RNF13: variants seen among roughly 807,000 people sequenced by gnomAD.
The protein encoded by RNF13 is E3 ubiquitin-protein ligase RNF13.
RNF13 carries 19 observed loss-of-function variants against 37.7 expected under a neutral mutation model. That is an observed-to-expected ratio of 0.50 (90% CI 0.35 to 0.74). The LOEUF (loss-of-function observed/expected upper bound fraction) is 0.74, where lower values mean the gene tolerates loss of function less well. Ranked by LOEUF, RNF13 falls within the 30% of genes least tolerant of loss-of-function variation. The pLI, the probability that RNF13 is intolerant of heterozygous loss-of-function variation, is 0.01. For missense variants in RNF13, 375 were observed against 453.0 expected (o/e 0.83, Z 1.56); for synonymous variants, 144 against 157.8 (o/e 0.91, Z 0.65).
At chr3:149,863,255 C>T (rs1724459977) in intron 3 of RNF13, among the ~76,000 whole-genome samples, 1 of 152,146 alleles carries the variant, frequency 6.6e-6, no homozygotes, top group South Asian at 2.1e-4. Flanking sequence ...TGACAAATTG[C>T]AAATGGCAAG....
intron 8 of RNF13, among the ~76,000 whole-genome samples, chr3:149,954,375 G>T (rs947797108): frequency 1.1e-4 from 16 of 151,870 alleles, no homozygotes; most frequent in African/African-American, 3.9e-4. Context: ...AATGTTAGGG[G>T]ACTCTATAAC....
intron 9 of RNF13, 144 bp downstream of exon 9, chr3:149,960,280 G>C (rs1008996693): frequency 5.0e-6 from 3 of 602,782 alleles, no homozygotes; most frequent in South Asian, 2.2e-5. Flanking sequence ...CAAGGATGGA[G>C]GTGTATTTAT....
At chr3:149,910,126 A>G (rs1716837982) in intron 6 of RNF13, among the ~76,000 whole-genome samples, 1 of 152,114 alleles carries the variant, frequency 6.6e-6, no homozygotes, top group Non-Finnish European at 1.5e-5. Flanking sequence ...CGTCTCATGG[A>G]AAGGCTCTTA....
At chr3:149,854,913 T>C (rs1165349473) in intron 3 of RNF13, among the ~76,000 whole-genome samples, 1 of 152,158 alleles carries the variant, frequency 6.6e-6, no homozygotes, top group Non-Finnish European at 1.5e-5. Context: ...AAATACAATG[T>C]AGGGTTTTTG....
intron 2 of RNF13, among the ~76,000 whole-genome samples, chr3:149,849,784 T>C (rs1419869480): frequency 6.6e-6 from 1 of 152,344 alleles, no homozygotes; most frequent in East Asian, 1.9e-4. Context: ...GTGCTTAGCA[T>C]GATGTCTGTA....
At chr3:149,957,458 T>G (rs41448248) in intron 8 of RNF13, among the ~76,000 whole-genome samples, 1,525 of 152,258 alleles carry the variant, frequency 0.01, 31 homozygotes, top group African/African-American at 0.035. Context: ...CCAGAAGTCT[T>G]TTACACTCAC....
intron 7 of RNF13, among the ~76,000 whole-genome samples, chr3:149,920,590 G>C (rs898141417): frequency 2.0e-5 from 3 of 151,932 alleles, no homozygotes; most frequent in Admixed American, 6.6e-5. Context: ...TTTGGTTTTT[G>C]GCCCTGTGTA....
intron 8 of RNF13, among the ~76,000 whole-genome samples, chr3:149,951,447 G>T (rs1171513908): frequency 6.6e-6 from 1 of 152,190 alleles, no homozygotes; most frequent in African/African-American, 2.4e-5. Flanking sequence ...CAGAGATAAA[G>T]ATCCTAAGGT....
chr3:149,888,551 C>G (rs1714302581), intron 4 of RNF13, among the ~76,000 whole-genome samples: 1 of 152,198 alleles, frequency 6.6e-6, no homozygotes, highest in Admixed American at 6.5e-5. Flanking sequence ...TTACAAATTA[C>G]TCTTCGTGCA....
intron 6 of RNF13, among the ~76,000 whole-genome samples, chr3:149,910,224 G>A (rs1366194137): frequency 6.6e-6 from 1 of 152,158 alleles, no homozygotes; most frequent in East Asian, 1.9e-4. Context: ...GGCTGGCCTC[G>A]TGCTGGAAGA....
chr3:149,937,428 C>A (rs1351701236), intron 8 of RNF13, among the ~76,000 whole-genome samples: 1 of 152,112 alleles, frequency 6.6e-6, no homozygotes, highest in African/African-American at 2.4e-5. Context: ...TCCATTCTCT[C>A]TTAATTTTTC....
intron 1 of RNF13, among the ~76,000 whole-genome samples, chr3:149,844,869 G>A (rs952314879): frequency 6.6e-6 from 1 of 152,104 alleles, no homozygotes; most frequent in African/African-American, 2.4e-5. Context: ...CATCACCAGA[G>A]TCTAATTTTA....
chr3:149,850,310 G>A (rs1445750334), intron 2 of RNF13, among the ~76,000 whole-genome samples: 1 of 152,108 alleles, frequency 6.6e-6, no homozygotes, highest in Non-Finnish European at 1.5e-5. Context: ...CAGTGAACAT[G>A]CTTTAATTTT....
At chr3:149,925,729 G>T (rs1288632905) in intron 8 of RNF13, among the ~76,000 whole-genome samples, 3 of 151,922 alleles carry the variant, frequency 2.0e-5, no homozygotes, top group African/African-American at 7.3e-5. Flanking sequence ...TATATACCTA[G>T]AAGTAGATTA....
chr3:149,877,065 C>G (rs1239948916), intron 4 of RNF13, among the ~76,000 whole-genome samples: 1 of 152,100 alleles, frequency 6.6e-6, no homozygotes, highest in Non-Finnish European at 1.5e-5. Context: ...CAGGCGTGAG[C>G]CACCACACCC....
At chr3:149,840,595 A>G (rs1016513953) in intron 1 of RNF13, among the ~76,000 whole-genome samples, 5 of 152,182 alleles carry the variant, frequency 3.3e-5, no homozygotes, top group African/African-American at 1.2e-4. Flanking sequence ...GACAAACAGT[A>G]CTTTACTGTG....
chr3:149,845,003 CT>C (rs1722512273), intron 1 of RNF13, among the ~76,000 whole-genome samples: 2 of 152,116 alleles, frequency 1.3e-5, no homozygotes, highest in Non-Finnish European at 2.9e-5. Flanking sequence ...CACTAATTTA[CT>C]TTTTGTCGTT....
chr3:149,939,704 T>C, intron 8 of RNF13: 1 of 806,228 alleles, frequency 1.2e-6, no homozygotes, highest in South Asian at 1.3e-5. Context: ...TTATTCACCT[T>C]AAAGTGATAA....
At chr3:149,887,655 A>G (rs1423846067) in intron 4 of RNF13, among the ~76,000 whole-genome samples, 1 of 152,184 alleles carries the variant, frequency 6.6e-6, no homozygotes, top group Non-Finnish European at 1.5e-5. Context: ...AACTGCAGAT[A>G]AAGACTGTTT....
Sources: gnomAD v4.1 joint callset for allele counts (sites outside exome capture counted in the v4.1 genomes callset) on GRCh38, gnomAD v4.1.1 for gene constraint, MANE v1.5 for transcripts, NCBI Gene and HGNC (gene_info 2026-07-23, HGNC 2026-07-21) for gene names.